Variants in CTNND2 observed in about 807,000 individuals in gnomAD.
CTNND2 encodes the protein catenin delta-2.
CTNND2 carries 22 observed loss-of-function variants against 144.4 expected under a neutral mutation model. The observed-to-expected ratio is 0.15, with a 90% CI of 0.11 to 0.22. CTNND2 has a LOEUF of 0.22. Among genes scored for constraint, CTNND2 ranks in the 10% least tolerant of loss-of-function variants. CTNND2 has a pLI of 1.00. For missense variants in CTNND2, 1,353 were observed against 1,618.8 expected (o/e 0.84, Z 2.82); for synonymous variants, 751 against 695.6 (o/e 1.08, Z -1.25).
At position 11,374,531 on chromosome 5, in the gene CTNND2, G is replaced by A. The variant is rs191185081; in HGVS notation, c.1178-9641C>T. Among the ~76,000 whole-genome samples the A allele has an allele frequency of 8.6e-5, 13 of 152,036 alleles. No individual in the cohort carries two copies. The East Asian group carries it at 1.4e-3, about 16-fold the overall frequency. ...ACAGATGCAGGGCGATCTATGACTCGGTATTTTATTCATTAGTGACTTACC... is the reference window on the plus strand; with the variant it reads ...ACAGATGCAGGGCGATCTATGACTCAGTATTTTATTCATTAGTGACTTACC... On this transcript the variant is annotated intron_variant, in intron 7 of 21. Transcript: ENST00000304623.
At chr5:11,205,928 G>A (rs950066001) in intron 10 of CTNND2, among the ~76,000 whole-genome samples, 7 of 152,086 alleles carry the variant, frequency 4.6e-5, no homozygotes, top group Admixed American at 4.6e-4. Context: ...TTTCCCCCAG[G>A]CAAGTTACTT....
chr5:11,262,290 C>CTTA (rs1173272568), intron 9 of CTNND2, among the ~76,000 whole-genome samples: 1 of 152,148 alleles, frequency 6.6e-6, no homozygotes, highest in African/African-American at 2.4e-5. Flanking sequence ...TCTGCTTAAA[C>CTTA]CCACACCATA....
At chr5:11,312,019 C>G (rs1455516628) in intron 9 of CTNND2, among the ~76,000 whole-genome samples, 4 of 150,294 alleles carry the variant, frequency 2.7e-5, no homozygotes, top group Non-Finnish European at 5.9e-5. Context: ...ACTCACCATA[C>G]ACCTTCACCC....
At chr5:11,780,066 T>C (rs1790460381) in intron 1 of CTNND2, among the ~76,000 whole-genome samples, 1 of 152,150 alleles carries the variant, frequency 6.6e-6, no homozygotes, top group South Asian at 2.1e-4. Context: ...ACCCCACTCA[T>C]CCAGTTCCTG....
rs555472892 is a variant in CTNND2, at chr5:11,433,725, C to T, written c.288-21656G>A. On this transcript the variant is annotated intron_variant, in intron 3 of 21. Transcript: ENST00000304623. ...CTCACTCACTATCGCAGAGACAGCA[C>T]CAAGCCATGAGGGATCTGTCCCCAT... 5.1e-4 allele frequency among the ~76,000 whole-genome samples: 77 copies of T among 152,270 alleles called. 1 individual carries two copies. Among genetic ancestry groups the T allele is most frequent in the South Asian group, 2.1e-3 (10 of 4,828 alleles).
Position 11,539,110 on chromosome 5 carries a change from G to T in CTNND2, c.287+25834C>A, listed in dbSNP as rs139005436. 4.1e-4 allele frequency among the ~76,000 whole-genome samples: 63 copies of T among 152,132 alleles called. 4 individuals carry two copies. In the East Asian group the frequency reaches 0.012, roughly 29 times the overall value. On this transcript the variant is annotated intron_variant, in intron 3 of 21. Coordinates refer to ENST00000304623, the MANE Select transcript of CTNND2 (RefSeq NM_001332.4). ...TGGTATCCTATGTTCAGGCTGTAGG[G>T]GACAAAAAGATGAAAATGTCAGGGA...
chr5:11,092,135 T>C (rs1750839258), intron 15 of CTNND2, among the ~76,000 whole-genome samples: 1 of 152,224 alleles, frequency 6.6e-6, no homozygotes, highest in African/African-American at 2.4e-5. Flanking sequence ...TTTTGTTTCC[T>C]GTCTTTCAGA....
intron 2 of CTNND2, among the ~76,000 whole-genome samples, chr5:11,718,397 C>A (rs962699121): frequency 6.6e-6 from 1 of 152,174 alleles, no homozygotes; most frequent in Non-Finnish European, 1.5e-5. Context: ...TGAGCTCCCG[C>A]TTCTGTAGGA....
intron 3 of CTNND2, among the ~76,000 whole-genome samples, chr5:11,482,421 T>G (rs1241275834): frequency 2.6e-5 from 4 of 152,182 alleles, no homozygotes; most frequent in African/African-American, 9.7e-5. Context: ...CATTAGTATA[T>G]TCATTCACTG....
At chr5:10,975,947 T>A (rs1561105730) in intron 21 of CTNND2, among the ~76,000 whole-genome samples, 1 of 152,228 alleles carries the variant, frequency 6.6e-6, no homozygotes, top group Non-Finnish European at 1.5e-5. Flanking sequence ...GGGTATCAGC[T>A]TTTTCAGCCT....
At chr5:11,240,803 C>G (rs990239177) in intron 9 of CTNND2, among the ~76,000 whole-genome samples, 7 of 142,606 alleles carry the variant, frequency 4.9e-5, no homozygotes, top group Non-Finnish European at 1.1e-4. Context: ...CCCCCACACA[C>G]CCAACACACA....
At position 11,385,162 on chromosome 5, in the gene CTNND2, CGCG is replaced by C. The variant is rs557341981; in HGVS notation, c.677_679del (p.Pro226del). The C allele has an allele frequency of 6.4e-4, 648 of 1,004,802 alleles. No homozygotes were observed. Among genetic ancestry groups the C allele is most frequent in the East Asian group, 3.4e-3 (35 of 10,188 alleles). The allele number at this position is 1,004,802 out of a possible 1,614,324, so 62.2% of individuals were successfully genotyped here. A position where few individuals can be genotyped will look rare whatever the true frequency, so the allele number is the denominator to read the frequency against. ...GCCCAGGCTGGGCGCGAACGGCTCC[CGCG>C]GCGGCGGCGGCGGCGGCGGCGCGGG... On this transcript the variant is annotated inframe_deletion, in exon 7 of 22. Coordinates refer to ENST00000304623, the MANE Select transcript of CTNND2 (RefSeq NM_001332.4).
At chr5:11,185,232 C>T (rs1394445903) in intron 11 of CTNND2, among the ~76,000 whole-genome samples, 1 of 152,200 alleles carries the variant, frequency 6.6e-6, no homozygotes, top group Non-Finnish European at 1.5e-5. Flanking sequence ...CTTTCCTCCT[C>T]TAAGCTCCTC....
rs561832029 is a variant in CTNND2 at position 11,115,698 on chromosome 5, C to T, written c.2277+1752G>A. ...GTTCATCTTTGAAACTAAAAACACA[C>T]AGTCAGTGAATGGATGTGAACCTAA... On this transcript the variant is annotated intron_variant, in intron 13 of 21. Transcript: ENST00000304623. Among the ~76,000 whole-genome samples, 11 of 152,328 alleles carry T rather than the reference C, an allele frequency of 7.2e-5. No individual in the cohort carries two copies. The East Asian group carries it at 1.3e-3, about 19-fold the overall frequency.
intron 1 of CTNND2, among the ~76,000 whole-genome samples, chr5:11,852,625 C>T (rs1384311895): frequency 6.6e-6 from 1 of 152,162 alleles, no homozygotes; most frequent in Non-Finnish European, 1.5e-5. Flanking sequence ...TGAAAAGATA[C>T]TGTATACTTA....
intron 12 of CTNND2, among the ~76,000 whole-genome samples, chr5:11,145,893 C>T (rs929681549): frequency 2.8e-4 from 43 of 152,210 alleles, no homozygotes; most frequent in Non-Finnish European, 1.2e-4. Context: ...AGCCACCTGT[C>T]TGTCCCCAGA....
intron 9 of CTNND2, among the ~76,000 whole-genome samples, chr5:11,274,230 T>C (rs986878025): frequency 6.6e-6 from 1 of 152,246 alleles, no homozygotes; most frequent in African/African-American, 2.4e-5. Context: ...TTTACAACTT[T>C]ATGAAAATCT....
At chr5:11,153,243 C>G (rs1406425931) in intron 12 of CTNND2, among the ~76,000 whole-genome samples, 2 of 152,046 alleles carry the variant, frequency 1.3e-5, no homozygotes, top group Non-Finnish European at 2.9e-5. Flanking sequence ...GCCTGGGCAA[C>G]AGAGCAAGAC....
chr5:11,365,046 C>G (rs1756835363), intron 7 of CTNND2, among the ~76,000 whole-genome samples, 156 bp from the exon 8 acceptor site: 1 of 152,262 alleles, frequency 6.6e-6, no homozygotes, highest in Admixed American at 6.5e-5. Context: ...TCAACCTAAT[C>G]AGCCTGTCGG....
Sources: allele counts gnomAD v4.1 joint callset (sites outside exome capture counted in the v4.1 genomes callset), GRCh38; gene constraint gnomAD v4.1.1; transcripts MANE v1.5; gene names NCBI Gene and HGNC (gene_info 2026-07-23, HGNC 2026-07-21).